The following KMT2C variants were observed in gnomAD, a reference collection of about 807,000 sequenced individuals.
The protein encoded by KMT2C is lysine methyltransferase 2C, also known as histone-lysine N-methyltransferase 2C.
A neutral mutation model predicts 507.9 loss-of-function variants in KMT2C; 88 were observed. The observed-to-expected ratio is 0.17, with a 90% CI of 0.15 to 0.21. KMT2C has a LOEUF of 0.21. KMT2C is among the 10% of genes least tolerant of loss of function. KMT2C has a pLI of 1.00. For synonymous variants in KMT2C, 2,049 were observed against 2,080.8 expected, an observed-to-expected ratio of 0.98 and a Z score of 0.42; for missense variants, 4,954 against 5,957.8, an observed-to-expected ratio of 0.83 and a Z score of 5.55.
chr7:152,234,704 C>T (rs2095227692), intron 16 of KMT2C, among the ~76,000 whole-genome samples: 1 of 151,982 alleles, frequency 6.6e-6, no homozygotes, highest in African/African-American at 2.4e-5. Context: ...AGTTTGAGAC[C>T]AGCCTGGACA....
chr7:152,432,494 T>C (rs1230931486), intron 1 of KMT2C, among the ~76,000 whole-genome samples: 2 of 152,220 alleles, frequency 1.3e-5, no homozygotes, highest in Non-Finnish European at 2.9e-5. Context: ...ATTTGATACT[T>C]TTTACAGTTA....
At chr7:152,351,855 T>C (rs2097113347) in intron 2 of KMT2C, among the ~76,000 whole-genome samples, 1 of 152,182 alleles carries the variant, frequency 6.6e-6, no homozygotes, top group Admixed American at 6.5e-5. Flanking sequence ...GGAGGATGTA[T>C]GTCGCCTCAG....
chr7:152,215,501 A>G (rs28409154), intron 23 of KMT2C, among the ~76,000 whole-genome samples: 3,846 of 135,134 alleles, frequency 0.028, 233 homozygotes, highest in African/African-American at 0.11. Flanking sequence ...GCGACACAGC[A>G]AGACTCTGTC....
intron 1 of KMT2C, among the ~76,000 whole-genome samples, chr7:152,381,907 T>C (rs1377107207): frequency 7.2e-5 from 11 of 152,332 alleles, no homozygotes; most frequent in Admixed American, 3.9e-4. Context: ...CAATGTATCA[T>C]CTGAAATATT....
At chr7:152,174,687 T>C (rs1028330233) in intron 38 of KMT2C, among the ~76,000 whole-genome samples, 4 of 152,134 alleles carry the variant, frequency 2.6e-5, no homozygotes, top group Non-Finnish European at 4.4e-5. Flanking sequence ...AAAAACCTAT[T>C]TGCATCTAAA....
intron 2 of KMT2C, among the ~76,000 whole-genome samples, chr7:152,333,218 G>C (rs1172662612): frequency 6.6e-6 from 1 of 151,638 alleles, no homozygotes; most frequent in Non-Finnish European, 1.5e-5. Context: ...ATGATCATTC[G>C]CATTCTTGGG....
intron 22 of KMT2C, among the ~76,000 whole-genome samples, 197 bp downstream of exon 22, chr7:152,221,804 T>C (rs1265239283): frequency 6.6e-6 from 1 of 152,198 alleles, no homozygotes; most frequent in Admixed American, 6.5e-5. Flanking sequence ...TGTTGCCTAC[T>C]TGCTGAAATT....
At chr7:152,266,797 C>T (rs1411740344) in intron 7 of KMT2C, among the ~76,000 whole-genome samples, 12 of 152,296 alleles carry the variant, frequency 7.9e-5, no homozygotes, top group Admixed American at 7.9e-4. Flanking sequence ...TAATTCCTCG[C>T]TTGAGGGCAG....
At chr7:152,179,238 C>T (rs1218702123) in intron 37 of KMT2C, among the ~76,000 whole-genome samples, 1 of 152,166 alleles carries the variant, frequency 6.6e-6, no homozygotes. Context: ...TCAAGTGATC[C>T]GCCCACCTCG....
chr7:152,423,755 C>G (rs1267242536), intron 1 of KMT2C, among the ~76,000 whole-genome samples: 2 of 152,140 alleles, frequency 1.3e-5, no homozygotes, highest in Non-Finnish European at 2.9e-5. Flanking sequence ...TACTGATATA[C>G]CCGGCTGTTA....
intron 11 of KMT2C, among the ~76,000 whole-genome samples, chr7:152,251,738 T>G (rs796523762): frequency 3.9e-5 from 6 of 152,232 alleles, no homozygotes; most frequent in African/African-American, 1.4e-4. Flanking sequence ...TAAAAAAAAC[T>G]ATCTTAAGTT....
intron 7 of KMT2C, among the ~76,000 whole-genome samples, chr7:152,272,433 A>G (rs2095994078): frequency 1.3e-5 from 2 of 152,180 alleles, no homozygotes; most frequent in South Asian, 2.1e-4. Context: ...AGATTCCTAT[A>G]TACACACAAA....
chr7:152,145,460 T>A (rs1327625378), intron 53 of KMT2C, among the ~76,000 whole-genome samples, 165 bp from the exon 54 acceptor site: 1 of 152,192 alleles, frequency 6.6e-6, no homozygotes, highest in Non-Finnish European at 1.5e-5. Flanking sequence ...TGCAGGTAGA[T>A]CTACTTAAAT....
At chr7:152,171,962 A>G (rs2092981472) in intron 39 of KMT2C, among the ~76,000 whole-genome samples, 1 of 152,226 alleles carries the variant, frequency 6.6e-6, no homozygotes. Context: ...ATTCTAATTA[A>G]AACTATAAAA....
chr7:152,385,856 G>C (rs1253193947), intron 1 of KMT2C, among the ~76,000 whole-genome samples: 2 of 151,822 alleles, frequency 1.3e-5, no homozygotes, highest in Non-Finnish European at 2.9e-5. Context: ...GGGAGGCTGA[G>C]GCGGGTGAAT....
At chr7:152,354,303 T>C (rs951712747) in intron 2 of KMT2C, among the ~76,000 whole-genome samples, 2 of 152,328 alleles carry the variant, frequency 1.3e-5, no homozygotes, top group Non-Finnish European at 2.9e-5. Context: ...AATGTTGTAA[T>C]GTTCCAAGAA....
intron 18 of KMT2C, among the ~76,000 whole-genome samples, chr7:152,226,802 G>A (rs542377692): frequency 4.6e-5 from 7 of 151,998 alleles, no homozygotes; most frequent in African/African-American, 1.2e-4. Context: ...TGCAAAAACC[G>A]CTACAAATAT....
In KMT2C at chr7:152,235,207, G is replaced by GTATATATATATATATATATATATATATA. The variant is rs71533554; in HGVS notation, c.2769+609_2769+610insTATATATATATATATATATATATATATA. On this transcript the variant is annotated intron_variant, in intron 16 of 58. Transcript: ENST00000262189. ...TGATTGTGGTATCGTTTTCAAGGGT[G>GTATATATATATATATATATATATATATA]TATATATATATATATATCAAAGCTT... 9.6e-4 allele frequency among the ~76,000 whole-genome samples: 137 copies of GTATATATATATATATATATATATATATA among 142,384 alleles called. 1 individual carries two copies. The highest frequency in any genetic ancestry group is 4.3e-3 in the East Asian group (19 of 4,376). 93.4% of individuals were successfully genotyped at this position (142,384 alleles called of 152,430 possible).
intron 6 of KMT2C, among the ~76,000 whole-genome samples, chr7:152,299,913 C>T (rs1435357195): frequency 2.0e-5 from 3 of 152,150 alleles, no homozygotes; most frequent in South Asian, 2.1e-4. Context: ...ACCATGCTTA[C>T]GCTAGTCAAG....
Sources: gnomAD v4.1 joint callset for allele counts (sites outside exome capture counted in the v4.1 genomes callset) on GRCh38, gnomAD v4.1.1 for gene constraint, MANE v1.5 for transcripts, NCBI Gene and HGNC (gene_info 2026-07-23, HGNC 2026-07-21) for gene names.